The following BLM variants were observed in gnomAD, a reference collection of about 807,000 sequenced individuals.
BLM encodes BLM RecQ like helicase, also known as recQ-like DNA helicase BLM.
Under a neutral mutation model 135.3 loss-of-function variants are expected in BLM, and 95 were observed. The ratio of observed to expected loss-of-function variants is 0.70; its 90% CI spans 0.59 to 0.83. The LOEUF (loss-of-function observed/expected upper bound fraction) is 0.83. BLM is among the 40% of genes least tolerant of loss of function. The pLI, the probability that BLM is intolerant of heterozygous loss-of-function variation, is 0.00. For missense variants in BLM, 1,518 were observed against 1,663.9 expected (o/e 0.91, Z 1.53); for synonymous variants, 520 against 589.2 (o/e 0.88, Z 1.70).
chr15:90,792,467 C>T (rs1299116899), intron 15 of BLM, among the ~76,000 whole-genome samples: 1 of 151,910 alleles, frequency 6.6e-6, no homozygotes, highest in Admixed American at 6.6e-5. Context: ...ACTTACCAAG[C>T]ACTGTGCCCA....
At chr15:90,771,211 G>A (rs959211410) in intron 12 of BLM, among the ~76,000 whole-genome samples, 1 of 152,220 alleles carries the variant, frequency 6.6e-6, no homozygotes, top group Non-Finnish European at 1.5e-5. Context: ...ATTAGGCTGG[G>A]TGCAGTGGCT....
At chr15:90,758,568 C>T (rs956084912) in intron 5 of BLM, among the ~76,000 whole-genome samples, 1 of 152,154 alleles carries the variant, frequency 6.6e-6, no homozygotes, top group Non-Finnish European at 1.5e-5. Flanking sequence ...TGGGAGTGGG[C>T]TGGCAGGATT....
intron 12 of BLM, among the ~76,000 whole-genome samples, chr15:90,770,152 C>A (rs1009642715): frequency 5.3e-5 from 8 of 149,790 alleles, no homozygotes; most frequent in Non-Finnish European, 1.0e-4. Context: ...GTAACAAAAT[C>A]TACTATAAAA....
chr15:90,778,373 C>T (rs72751840), intron 12 of BLM, among the ~76,000 whole-genome samples: 24,491 of 152,134 alleles, frequency 0.16, 2,030 homozygotes, highest in Non-Finnish European at 0.19. Flanking sequence ...AGCTTTGTTG[C>T]GGTATAATCC....
At chr15:90,795,060 G>T (rs968672791) in intron 16 of BLM, among the ~76,000 whole-genome samples, 1 of 152,116 alleles carries the variant, frequency 6.6e-6, no homozygotes, top group Non-Finnish European at 1.5e-5. Context: ...TTCACGTTTG[G>T]TGTATTATTT....
At chr15:90,811,571 CAAAAATATTTGCTTCAAGAAACAACA>C (rs1350789346) in intron 21 of BLM, among the ~76,000 whole-genome samples, 165 bp downstream of exon 21, 1 of 152,138 alleles carries the variant, frequency 6.6e-6, no homozygotes, top group Non-Finnish European at 1.5e-5. Context: ...TGATCCAAAA[CAAAAATATTTGCTTCAAGAAACAACA>C]AAAAATATTT....
intron 12 of BLM, among the ~76,000 whole-genome samples, chr15:90,775,384 C>T (rs1213254657): frequency 6.6e-6 from 1 of 151,682 alleles, no homozygotes; most frequent in Non-Finnish European, 1.5e-5. Context: ...CTTCTTTGGT[C>T]ACATGTACCT....
chr15:90,741,387 G>C (rs1415102084), intron 1 of BLM, among the ~76,000 whole-genome samples: 1 of 152,010 alleles, frequency 6.6e-6, no homozygotes, highest in East Asian at 1.9e-4. Flanking sequence ...TCTCTGCTTG[G>C]AATTTTTTGG....
chr15:90,723,244 CTGTAAA>C (rs1894816289), intron 1 of BLM, among the ~76,000 whole-genome samples: 1 of 151,956 alleles, frequency 6.6e-6, no homozygotes, highest in Non-Finnish European at 1.5e-5. Flanking sequence ...GTTTTGAGCT[CTGTAAA>C]TGGGATAATA....
chr15:90,769,018 A>T, intron 10 of BLM, 115 bp from the exon 11 acceptor site: 1 of 940,078 alleles, frequency 1.1e-6, no homozygotes, highest in Non-Finnish European at 1.8e-6. Context: ...GAGCCACCGC[A>T]CCCGGCCTTA....
chr15:90,814,618 C>A (rs1318635586), intron 21 of BLM, among the ~76,000 whole-genome samples: 1 of 152,216 alleles, frequency 6.6e-6, no homozygotes, highest in Non-Finnish European at 1.5e-5. Context: ...CTCCTGGCCA[C>A]CCAGCTCCAC....
chr15:90,777,636 A>T (rs1407059823), intron 12 of BLM, among the ~76,000 whole-genome samples: 1 of 152,236 alleles, frequency 6.6e-6, no homozygotes, highest in Middle Eastern at 3.2e-3. Flanking sequence ...GCAGAACCTT[A>T]GACAAGAAAC....
intron 1 of BLM, among the ~76,000 whole-genome samples, chr15:90,735,032 T>A (rs926697454): frequency 6.6e-6 from 1 of 151,894 alleles, no homozygotes; most frequent in East Asian, 1.9e-4. Context: ...GTAGTCTTCA[T>A]ATACACAACA....
chr15:90,741,556 T>C (rs532238358), intron 1 of BLM, among the ~76,000 whole-genome samples: 1 of 152,326 alleles, frequency 6.6e-6, no homozygotes, highest in South Asian at 2.1e-4. Flanking sequence ...TCCTAACTTC[T>C]CATATTTTCC....
chr15:90,758,451 C>T (rs527324476), intron 5 of BLM, among the ~76,000 whole-genome samples: 1 of 152,312 alleles, frequency 6.6e-6, no homozygotes, highest in South Asian at 2.1e-4. Flanking sequence ...TGCACCACTG[C>T]ACTCCAGCCT....
intron 5 of BLM, among the ~76,000 whole-genome samples, chr15:90,759,827 G>A (rs1295500183): frequency 6.7e-6 from 1 of 149,842 alleles, no homozygotes; most frequent in Non-Finnish European, 1.5e-5. Context: ...GGCTGGTCTC[G>A]AACTCCTGAC....
Position 90,769,537 on chromosome 15 carries a change from A to T in BLM, c.2506A>T (p.Arg836Trp). The change falls in exon 12 of 22, where the codon AGG becomes TGG. Residue 836 changes from arginine (R) to tryptophan (W), a missense_variant. By Grantham distance (101) the Arg-to-Trp change is moderately radical (BLOSUM62 -3). This residue lies in a region of BLM where 626 missense variants were observed against 681.1 expected (regional missense o/e 0.92). Transcript: ENST00000355112. ...VMALTATANP[R>W]VQKDILTQLK... ...GGCTCTTACGGCCACAGCTAATCCC[A>T]GGGTACAGAAGGACATCCTGACTCA... 1 of 1,613,996 alleles carries T rather than the reference A, an allele frequency of 6.2e-7. No individual in the cohort carries two copies. Among genetic ancestry groups the T allele is most frequent in the Non-Finnish European group, 8.5e-7 (1 of 1,179,958 alleles).
chr15:90,737,448 A>G lies in BLM; in HGVS notation c.-4-9941A>G, dbSNP rs571852925. ...AGATTTTAAAGATTTTTCCTCATTA[A>G]AATAAATGAAGGCTGTTTGAGGAAA... On this transcript the variant is annotated intron_variant, in intron 1 of 21. Transcript: ENST00000355112. Among the ~76,000 whole-genome samples the G allele has an allele frequency of 4.3e-4, 65 of 152,346 alleles. 1 individual carries two copies. The highest frequency in any genetic ancestry group is 4.2e-3 in the Admixed American group (64 of 15,288).
At chr15:90,770,323 C>T (rs2238336) in intron 12 of BLM, among the ~76,000 whole-genome samples, 25,850 of 151,894 alleles carry the variant, frequency 0.17, 2,311 homozygotes, top group East Asian at 0.24. Flanking sequence ...TGTAGGCGCC[C>T]GCCACCACGC....
Sources: allele counts gnomAD v4.1 joint callset (sites outside exome capture counted in the v4.1 genomes callset), GRCh38; gene constraint gnomAD v4.1.1; regional missense constraint gnomAD v4.1.1; transcripts MANE v1.5; gene names NCBI Gene and HGNC (gene_info 2026-07-23, HGNC 2026-07-21).